Variants in IFT74 observed in about 807,000 individuals in gnomAD.
IFT74 encodes the protein intraflagellar transport protein 74 homolog.
A neutral mutation model predicts 96.7 loss-of-function variants in IFT74; 92 were observed. That is an observed-to-expected ratio of 0.95 (90% CI 0.80 to 1.13). IFT74 has a LOEUF of 1.13. Among genes scored for constraint, IFT74 ranks in the 50% most tolerant of loss-of-function variants. The pLI, the probability that IFT74 is intolerant of heterozygous loss-of-function variation, is 0.00. For synonymous variants in IFT74, 223 were observed against 213.2 expected, an observed-to-expected ratio of 1.05 and a Z score of -0.40; for missense variants, 811 against 698.2, an observed-to-expected ratio of 1.16 and a Z score of -1.82.
chr9:26,950,323 AG>A lies in IFT74; in HGVS notation c.-20+3178del, dbSNP rs201569415. On this transcript the variant is annotated intron_variant, in intron 1 of 19. Transcript: ENST00000433700. ...GAGACTCTGTCTCAAAAAAAAAAAAAGAAAGAAAGAAAAGCAAGCTAATCAA... is the reference window on the plus strand; with the variant it reads ...GAGACTCTGTCTCAAAAAAAAAAAAAAAAGAAAGAAAAGCAAGCTAATCAA... Among the ~76,000 whole-genome samples the A allele has an allele frequency of 4.3e-3, 652 of 151,286 alleles. 4 individuals carry two copies. Among genetic ancestry groups the A allele is most frequent in the Non-Finnish European group, 6.1e-3 (411 of 67,806 alleles).
intron 13 of IFT74, among the ~76,000 whole-genome samples, chr9:27,042,407 A>C (rs1032740326): frequency 1.3e-5 from 2 of 152,180 alleles, no homozygotes; most frequent in Admixed American, 1.3e-4. Context: ...CGCAAAAAGC[A>C]AAAATAAAAC....
chr9:27,048,220 T>A lies in IFT74; in HGVS notation c.1279T>A (p.Phe427Ile), dbSNP rs1366153025. 6.2e-7 allele frequency: 1 copy of A among 1,608,774 alleles called. No homozygotes were observed. Among genetic ancestry groups the A allele is most frequent in the Non-Finnish European group, 8.5e-7 (1 of 1,176,126 alleles). The change falls in exon 16 of 20, where the codon TTT (phenylalanine) becomes ATT (isoleucine). Residue 427 changes from phenylalanine to isoleucine, a missense_variant. Transcript: ENST00000380062. ...AAAGATGATGCAGGATGACCTCAATTTTAAATCTACTGAAGTGCAGAAATC... is the reference window on the plus strand; with the variant it reads ...AAAGATGATGCAGGATGACCTCAATATTAAATCTACTGAAGTGCAGAAATC... ...ELKMMQDDLN[F>I]KSTEVQKSQS...
At chr9:27,005,018 A>G (rs1282825544) in intron 8 of IFT74, among the ~76,000 whole-genome samples, 1 of 152,178 alleles carries the variant, frequency 6.6e-6, no homozygotes, top group Admixed American at 6.5e-5. Flanking sequence ...TAAAATCTAA[A>G]TGTAGTTTTT....
intron 8 of IFT74, among the ~76,000 whole-genome samples, chr9:27,000,910 C>T (rs760146260): frequency 6.6e-6 from 1 of 152,086 alleles, no homozygotes; most frequent in Non-Finnish European, 1.5e-5. Flanking sequence ...TTTTTTTAAG[C>T]AAACTGTATG....
At chr9:27,029,880 C>G (rs1830042779) in intron 13 of IFT74, among the ~76,000 whole-genome samples, 1 of 152,064 alleles carries the variant, frequency 6.6e-6, no homozygotes, top group African/African-American at 2.4e-5. Context: ...AATTCCCCAC[C>G]CAGGTCTAGT....
intron 13 of IFT74, among the ~76,000 whole-genome samples, chr9:27,032,459 A>T (rs1163663296): frequency 2.0e-5 from 3 of 152,246 alleles, no homozygotes; most frequent in Non-Finnish European, 4.4e-5. Context: ...AGATCATTTT[A>T]CTTATTTTTA....
chr9:27,039,235 T>C (rs893903167), intron 13 of IFT74, among the ~76,000 whole-genome samples: 6 of 152,220 alleles, frequency 3.9e-5, no homozygotes, highest in African/African-American at 1.4e-4. Context: ...TTCACTATTT[T>C]GCCCAGGCTC....
In IFT74 at chr9:27,048,207, G is replaced by A; in HGVS notation, c.1266G>A (p.Gln422=). 1 of 1,603,852 alleles carries A rather than the reference G, an allele frequency of 6.2e-7. No homozygotes were observed. Among genetic ancestry groups the A allele is most frequent in the Non-Finnish European group, 8.5e-7 (1 of 1,171,888 alleles). ...SITNQELKMM[Q]DDLNFKSTEV... Reference sequence around the variant, plus strand: ...CCAATCAAGAGCTAAAGATGATGCAGGATGACCTCAATTTTAAATCTACTG... The same window carrying A: ...CCAATCAAGAGCTAAAGATGATGCAAGATGACCTCAATTTTAAATCTACTG... The change falls in exon 16 of 20, where the codon CAG becomes CAA. Residue 422 remains glutamine (Q), a synonymous_variant. Coordinates refer to ENST00000380062, the MANE Select transcript of IFT74 (RefSeq NM_025103.4).
At chr9:27,002,695 T>C (rs989616661) in intron 8 of IFT74, among the ~76,000 whole-genome samples, 1 of 152,236 alleles carries the variant, frequency 6.6e-6, no homozygotes, top group Non-Finnish European at 1.5e-5. Context: ...ACTATAGCTT[T>C]GTAGAAAATT....
intron 8 of IFT74, among the ~76,000 whole-genome samples, chr9:27,002,650 A>G (rs1031076740): frequency 2.0e-5 from 3 of 152,162 alleles, no homozygotes; most frequent in East Asian, 1.9e-4. Flanking sequence ...TGGTCTATGG[A>G]TCTGTCTTGA....
At chr9:26,997,710 T>A (rs749823404) in intron 8 of IFT74, 3 of 1,567,904 alleles carry the variant, frequency 1.9e-6, no homozygotes, top group African/African-American at 2.7e-5. Context: ...TTGGTTTTGC[T>A]TAATTATGAT....
At chr9:26,961,083 G>GTTTTT (rs1349288699) in intron 1 of IFT74, among the ~76,000 whole-genome samples, 1 of 118,506 alleles carries the variant, frequency 8.4e-6, no homozygotes, top group Admixed American at 8.9e-5. Context: ...AGTGAATCTT[G>GTTTTT]TTTTTTTTTT....
chr9:26,995,657 G>C (rs754027539), intron 8 of IFT74: 3 of 1,613,834 alleles, frequency 1.9e-6, no homozygotes, highest in South Asian at 1.1e-5. Flanking sequence ...CTGTGAAAGA[G>C]AGCTTGGATT....
intron 2 of IFT74, among the ~76,000 whole-genome samples, chr9:26,968,690 C>T (rs1159679826): frequency 1.3e-5 from 2 of 152,206 alleles, no homozygotes; most frequent in African/African-American, 2.4e-5. Context: ...GATTTTCCAA[C>T]TTATTGGCAT....
Position 27,060,594 on chromosome 9 carries a change from A to C in IFT74, c.1627A>C (p.Thr543Pro), listed in dbSNP as rs761724311. 9 of 1,585,430 alleles carry C rather than the reference A, an allele frequency of 5.7e-6. No homozygotes were observed. Among genetic ancestry groups the C allele is most frequent in the Non-Finnish European group, 6.9e-6 (8 of 1,161,056 alleles). Residue 543 changes from threonine (T) to proline (P), a missense_variant, in exon 19 of 20, where the codon ACA becomes CCA. By Grantham distance (38) the Thr-to-Pro change is conservative. Coordinates refer to ENST00000380062, the MANE Select transcript of IFT74 (RefSeq NM_025103.4). ...LQENETHSQL[T>P]NLERKWQHLE... The stretch of plus-strand genomic sequence containing the variant: ...TATTTTTCTTTTATGTTTTTAGCTT[A>C]CAAATTTGGAGAGAAAGTGGCAACA...
At chr9:26,977,129 A>T (rs1275878326) in intron 2 of IFT74, among the ~76,000 whole-genome samples, 5 of 152,076 alleles carry the variant, frequency 3.3e-5, no homozygotes, top group Non-Finnish European at 7.4e-5. Context: ...AGTTTTTAAA[A>T]TTTTTATTTT....
intron 12 of IFT74, among the ~76,000 whole-genome samples, chr9:27,027,864 A>C (rs1166274572): frequency 6.6e-6 from 1 of 152,068 alleles, no homozygotes; most frequent in East Asian, 1.9e-4. Flanking sequence ...TTTTAGTGTC[A>C]TATCTAAGAA....
At chr9:27,049,785 A>G (rs1819845821) in intron 16 of IFT74, among the ~76,000 whole-genome samples, 1 of 152,174 alleles carries the variant, frequency 6.6e-6, no homozygotes. Context: ...AGAAGAGATG[A>G]TGTTTCACTT....
Position 26,998,817 on chromosome 9 carries a change from C to T in IFT74, c.587+8622C>T, listed in dbSNP as rs575660033. Among the ~76,000 whole-genome samples the T allele has an allele frequency of 3.3e-3, 489 of 149,536 alleles. 4 individuals carry two copies. The highest frequency in any genetic ancestry group is 0.012 in the African/African-American group (473 of 40,352). The stretch of plus-strand genomic sequence containing the variant: ...TGTCCAACACAGTGAAACCCTGTCT[C>T]TACTGAAAATACAAAAAAAAAAAAA... On this transcript the variant is annotated intron_variant, in intron 8 of 19. Coordinates refer to ENST00000380062, the MANE Select transcript of IFT74 (RefSeq NM_025103.4).
Sources: allele counts gnomAD v4.1 joint callset (sites outside exome capture counted in the v4.1 genomes callset), GRCh38; gene constraint gnomAD v4.1.1; transcripts MANE v1.5; gene names NCBI Gene and HGNC (gene_info 2026-07-23, HGNC 2026-07-21).